NFKB1: variants seen among roughly 807,000 people sequenced by gnomAD.
The protein encoded by NFKB1 is nuclear factor NF-kappa-B p105 subunit.
In NFKB1, 9 loss-of-function variants were observed where a neutral mutation model predicts 105.1. The observed-to-expected ratio is 0.09, with a 90% CI of 0.05 to 0.15. NFKB1 has a LOEUF of 0.15. Ranked by LOEUF, NFKB1 falls within the 10% of genes least tolerant of loss-of-function variation. The pLI is 1.00. For missense variants in NFKB1, 830 were observed against 1,203.7 expected (o/e 0.69, Z 4.59); for synonymous variants, 440 against 442.2 (o/e 1.00, Z 0.06).
chr4:102,518,133 A>G (rs530983736), intron 1 of NFKB1, among the ~76,000 whole-genome samples: 2 of 152,306 alleles, frequency 1.3e-5, no homozygotes, highest in East Asian at 1.9e-4. Context: ...TATTGACTAG[A>G]TATGTGTGAA....
rs4648081 is a variant in NFKB1, at chr4:102,600,090, T to A, written c.1638-805T>A. Among the ~76,000 whole-genome samples the A allele has an allele frequency of 4.6e-5, 7 of 151,976 alleles. No individual in the cohort carries two copies. The East Asian group carries it at 1.3e-3, about 29-fold the overall frequency. On this transcript the variant is annotated intron_variant, in intron 15 of 23. Transcript: ENST00000226574. ...ATGACAGGACAGAGAACGAGAAAAA[T>A]GTGTAGAAAACTGCAGTTGCATAAC... is the stretch of plus-strand genomic sequence containing the variant.
intron 1 of NFKB1, among the ~76,000 whole-genome samples, chr4:102,519,301 A>G (rs1395077832): frequency 6.8e-6 from 1 of 147,778 alleles, no homozygotes; most frequent in Non-Finnish European, 1.5e-5. Flanking sequence ...TATATTATAT[A>G]TTATATAAAA....
chr4:102,550,033 C>A (rs1372027403), intron 5 of NFKB1, among the ~76,000 whole-genome samples: 2 of 151,972 alleles, frequency 1.3e-5, no homozygotes, highest in Non-Finnish European at 2.9e-5. Context: ...TCCTTCCTGT[C>A]ACTTTTCCTG....
Position 102,546,194 on chromosome 4 carries a change from A to G in NFKB1, c.258+8238A>G, listed in dbSNP as rs1043327259. ...TTTTATAAAGCCTGGGTGGAAGCAT[A>G]TAGATGTATCTTTAGCTTTATTTAT... On this transcript the variant is annotated intron_variant, in intron 5 of 23. Coordinates refer to ENST00000226574, the MANE Select transcript of NFKB1 (RefSeq NM_003998.4). Among the ~76,000 whole-genome samples the G allele has an allele frequency of 2.0e-5, 3 of 152,294 alleles. No individual in the cohort carries two copies. The South Asian group carries it at 6.2e-4, about 32-fold the overall frequency.
rs1289614962 is a variant in NFKB1, at chr4:102,578,908, C to A, written c.599C>A (p.Ala200Glu). ...CGGGAAAAAGAGCTAATCCGCCAAG[C>A]AGCTCTGCAGCAGACCAAGGAGATG... ...GDREKELIRQ[A>E]ALQQTKEMDL... The change falls in exon 8 of 24, where the codon GCA (alanine) becomes GAA (glutamate). Residue 200 changes from alanine to glutamate, a missense_variant. Transcript: ENST00000226574. 6.2e-6 allele frequency: 10 copies of A among 1,614,132 alleles called. No individual in the cohort carries two copies. The Admixed American group carries it at 1.7e-4, about 27-fold the overall frequency.
At chr4:102,590,201 C>T (rs1188599151) in intron 11 of NFKB1, among the ~76,000 whole-genome samples, 1 of 152,154 alleles carries the variant, frequency 6.6e-6, no homozygotes, top group African/African-American at 2.4e-5. Flanking sequence ...CACTTTAACT[C>T]TTTAGTATGT....
At position 102,614,968 on chromosome 4, in the gene NFKB1, G is replaced by A. The variant is rs533692725; in HGVS notation, c.2749+1387G>A. 5.3e-5 allele frequency among the ~76,000 whole-genome samples: 8 copies of A among 152,084 alleles called. No homozygotes were observed. The South Asian group carries it at 1.2e-3, about 24-fold the overall frequency. ...CTAATCACTTCGTATGCGACGCATC[G>A]AGTGTCATCCTGTCTGCAACCACCG... On this transcript the variant is annotated intron_variant, in intron 23 of 23. Transcript: ENST00000226574.
At chr4:102,577,837 C>T (rs1446918654) in intron 7 of NFKB1, 5 of 985,466 alleles carry the variant, frequency 5.1e-6, no homozygotes, top group Non-Finnish European at 6.0e-6. Context: ...CATTGTTCCA[C>T]TTATAGTAGT....
intron 5 of NFKB1, among the ~76,000 whole-genome samples, chr4:102,556,763 T>C (rs965561488): frequency 6.6e-6 from 1 of 152,198 alleles, no homozygotes; most frequent in Non-Finnish European, 1.5e-5. Flanking sequence ...TAAGTTCCTC[T>C]TAAGAACCTT....
chr4:102,606,929 G>GTACACAAAGCGTCGTTTACT (rs1727803533), intron 17 of NFKB1, among the ~76,000 whole-genome samples: 1 of 152,210 alleles, frequency 6.6e-6, no homozygotes, highest in South Asian at 2.1e-4. Context: ...GATTCATCTT[G>GTACACAAAGCGTCGTTTACT]AAGTACACAA....
intron 20 of NFKB1, among the ~76,000 whole-genome samples, chr4:102,611,071 G>T (rs1728364034): frequency 6.6e-6 from 1 of 152,126 alleles, no homozygotes; most frequent in Admixed American, 6.5e-5. Context: ...AGTGATTTCA[G>T]GATGTAAAAA....
chr4:102,503,620 A>G (rs926405366), intron 1 of NFKB1: 1 of 152,156 alleles, frequency 6.6e-6, no homozygotes, highest in Non-Finnish European at 1.5e-5. Flanking sequence ...AAACCCAGAT[A>G]GTAAATACTG....
At chr4:102,519,393 T>G (rs542981668) in intron 1 of NFKB1, among the ~76,000 whole-genome samples, 4 of 148,126 alleles carry the variant, frequency 2.7e-5, no homozygotes, top group African/African-American at 9.8e-5. Context: ...ATATATAATA[T>G]TATAAGTATA....
intron 10 of NFKB1, among the ~76,000 whole-genome samples, chr4:102,584,031 A>G (rs976393476): frequency 4.6e-5 from 7 of 152,206 alleles, no homozygotes; most frequent in Non-Finnish European, 7.3e-5. Flanking sequence ...AAGGATACCT[A>G]AGAAATTAAT....
chr4:102,611,871 C>G (rs1316482223), intron 20 of NFKB1, among the ~76,000 whole-genome samples, 173 bp from the exon 21 acceptor site: 7 of 152,226 alleles, frequency 4.6e-5, no homozygotes, highest in Non-Finnish European at 5.9e-5. Context: ...TGTTCTTCCC[C>G]CAAAGGGTAC....
intron 11 of NFKB1, among the ~76,000 whole-genome samples, chr4:102,588,724 GTTA>G (rs1031487358): frequency 6.6e-5 from 10 of 152,116 alleles, no homozygotes; most frequent in Non-Finnish European, 1.0e-4. Flanking sequence ...AAAGTCACTG[GTTA>G]TTATTATACA....
In NFKB1 at chr4:102,501,629, T is replaced by G. The variant is rs1455872358; in HGVS notation, c.-167T>G. The G allele has an allele frequency of 6.7e-6, 1 of 148,788 alleles. No individual in the cohort carries two copies. The highest frequency in any genetic ancestry group is 2.4e-5 in the African/African-American group (1 of 41,024). The allele number at this position is 148,788 out of a possible 1,614,324, so 9.2% of individuals were successfully genotyped here. A position where few individuals can be genotyped will look rare whatever the true frequency, so the allele number is the denominator to read the frequency against. ...GGCCATGGCGCGGCGCTGACTGGCCTGGCCCGGCCCCGCCGCGCTCCCGCT... is the reference window on the plus strand; with the variant it reads ...GGCCATGGCGCGGCGCTGACTGGCCGGGCCCGGCCCCGCCGCGCTCCCGCT... On this transcript the variant is annotated 5_prime_UTR_variant, in exon 1 of 24. Transcript: ENST00000226574.
At chr4:102,542,365 C>CT (rs145356620) in intron 5 of NFKB1, among the ~76,000 whole-genome samples, 2,005 of 152,064 alleles carry the variant, frequency 0.013, 54 homozygotes, top group African/African-American at 0.045. Context: ...TCTTCATGCT[C>CT]TTTTTTTAAA....
intron 20 of NFKB1, among the ~76,000 whole-genome samples, chr4:102,611,092 A>G (rs1728368353): frequency 6.6e-6 from 1 of 152,218 alleles, no homozygotes; most frequent in South Asian, 2.1e-4. Context: ...TAAACTAAGA[A>G]TTCTTCTTAG....
Sources: gnomAD v4.1 joint callset for allele counts (sites outside exome capture counted in the v4.1 genomes callset) on GRCh38, gnomAD v4.1.1 for gene constraint, MANE v1.5 for transcripts, NCBI Gene and HGNC (gene_info 2026-07-23, HGNC 2026-07-21) for gene names.